Variants in RIMBP2 observed in about 807,000 individuals in gnomAD.
RIMBP2 encodes RIMS binding protein 2.
In RIMBP2, 48 loss-of-function variants were observed where a neutral mutation model predicts 118.6. That is an observed-to-expected ratio of 0.40 (90% CI 0.32 to 0.51). The LOEUF (loss-of-function observed/expected upper bound fraction) is 0.51. Among genes scored for constraint, RIMBP2 ranks in the 20% least tolerant of loss-of-function variants. The pLI, the probability that RIMBP2 is intolerant of heterozygous loss-of-function variation, is 0.41. For missense variants in RIMBP2, 1,551 were observed against 1,768.3 expected (o/e 0.88, Z 2.20); for synonymous variants, 762 against 742.9 (o/e 1.03, Z -0.42).
intron 2 of RIMBP2, among the ~76,000 whole-genome samples, chr12:130,608,534 G>A (rs2060320975): frequency 6.6e-6 from 1 of 152,194 alleles, no homozygotes; most frequent in Non-Finnish European, 1.5e-5. Flanking sequence ...CAGAGATGAA[G>A]AGGCTTCCCC....
intron 7 of RIMBP2, among the ~76,000 whole-genome samples, chr12:130,455,820 A>G (rs1481676352): frequency 6.6e-6 from 1 of 151,900 alleles, no homozygotes; most frequent in Non-Finnish European, 1.5e-5. Flanking sequence ...AACCTGTCTA[A>G]CCTCTGCATC....
intron 2 of RIMBP2, among the ~76,000 whole-genome samples, chr12:130,585,991 G>A (rs1270942216): frequency 6.6e-6 from 1 of 152,218 alleles, no homozygotes; most frequent in Non-Finnish European, 1.5e-5. Flanking sequence ...TCCTATGACT[G>A]ATTTCTCTAA....
chr12:130,436,730 C>T (rs2077545094), intron 13 of RIMBP2, 112 bp downstream of exon 13: 1 of 883,022 alleles, frequency 1.1e-6, no homozygotes, highest in Non-Finnish European at 1.5e-6. Context: ...CGCGGCCCCC[C>T]TCCCTGCAAG....
At chr12:130,645,208 C>T (rs996485633) in intron 1 of RIMBP2, among the ~76,000 whole-genome samples, 1 of 152,094 alleles carries the variant, frequency 6.6e-6, no homozygotes, top group African/African-American at 2.4e-5. Flanking sequence ...AGTCTCCCGC[C>T]TCAGGTCCCC....
rs915147581 is a variant in RIMBP2, at chr12:130,648,743, G to A, written c.-351-20287C>T. Among the ~76,000 whole-genome samples, 2 of 141,352 alleles carry A rather than the reference G, an allele frequency of 1.4e-5. 1 individual carries two copies. The highest frequency in any genetic ancestry group is 3.2e-5 in the Non-Finnish European group (2 of 63,044). 92.7% of individuals were successfully genotyped at this position (141,352 alleles called of 152,430 possible). On this transcript the variant is annotated intron_variant, in intron 1 of 22. Coordinates refer to ENST00000690449, the MANE Select transcript of RIMBP2 (RefSeq NM_001393629.1). ...GCGATCTCGGCTCACCGCAACCTCC[G>A]CCTCCCGGGTTCAAGCGATTCTCGC...
chr12:130,563,864 G>A (rs2056999887), intron 2 of RIMBP2, among the ~76,000 whole-genome samples: 2 of 152,148 alleles, frequency 1.3e-5, no homozygotes. Flanking sequence ...CTAAAATCCT[G>A]CAGTGGTTTT....
chr12:130,703,668 G>A lies in RIMBP2; in HGVS notation c.-352+12554C>T, dbSNP rs1424380068. Among the ~76,000 whole-genome samples the A allele has an allele frequency of 4.6e-5, 7 of 152,316 alleles. No individual in the cohort carries two copies. The highest frequency in any genetic ancestry group is 4.1e-4 in the South Asian group (2 of 4,826). Reference sequence around the variant, plus strand: ...TGATTAGCGCTCTACATCACCCACCGCTCAGCCTCCCCTGGGGTCGGGTGG... The same window carrying A: ...TGATTAGCGCTCTACATCACCCACCACTCAGCCTCCCCTGGGGTCGGGTGG... On this transcript the variant is annotated intron_variant, in intron 1 of 22. Transcript: ENST00000690449. This position sits in a 1 kb window ranked among gnomAD's most constrained non-coding sequence, Gnocchi z 5.7.
intron 2 of RIMBP2, among the ~76,000 whole-genome samples, chr12:130,545,248 G>C (rs936385263): frequency 2.0e-5 from 3 of 152,188 alleles, no homozygotes; most frequent in Non-Finnish European, 4.4e-5. Context: ...GGAGATGTTA[G>C]AATCAGACGC....
chr12:130,441,686 C>A (rs1272385170), intron 11 of RIMBP2, among the ~76,000 whole-genome samples, 162 bp downstream of exon 11: 1 of 152,198 alleles, frequency 6.6e-6, no homozygotes, highest in Non-Finnish European at 1.5e-5. Flanking sequence ...TGTGCACACG[C>A]ACACACGTTC....
At chr12:130,562,097 AAAGTTT>A (rs1192210556) in intron 2 of RIMBP2, among the ~76,000 whole-genome samples, 6 of 152,200 alleles carry the variant, frequency 3.9e-5, no homozygotes, top group Non-Finnish European at 7.3e-5. Flanking sequence ...ATCAATTTTT[AAAGTTT>A]AAGTTTTAAA....
At chr12:130,649,782 C>T (rs886481524) in intron 1 of RIMBP2, among the ~76,000 whole-genome samples, 3 of 152,178 alleles carry the variant, frequency 2.0e-5, no homozygotes, top group Admixed American at 6.5e-5. Flanking sequence ...AAGACAGCAC[C>T]CGAACAGGGA....
chr12:130,402,065 A>G (rs1221744800), intron 21 of RIMBP2, among the ~76,000 whole-genome samples: 3 of 152,190 alleles, frequency 2.0e-5, no homozygotes, highest in Non-Finnish European at 2.9e-5. Context: ...GGCTGAACAC[A>G]CACAGCCCTA....
intron 2 of RIMBP2, among the ~76,000 whole-genome samples, chr12:130,603,873 T>C (rs1213937806): frequency 6.6e-6 from 1 of 152,244 alleles, no homozygotes. Flanking sequence ...AATAAGCAAC[T>C]ATGTCACTCG....
At chr12:130,486,763 C>T (rs2082525100) in intron 4 of RIMBP2, among the ~76,000 whole-genome samples, 1 of 152,078 alleles carries the variant, frequency 6.6e-6, no homozygotes, top group Non-Finnish European at 1.5e-5. Flanking sequence ...CTCCCCCCAC[C>T]CATGTCTGCC....
intron 1 of RIMBP2, among the ~76,000 whole-genome samples, chr12:130,682,553 T>C (rs929517201): frequency 1.8e-4 from 27 of 152,388 alleles, no homozygotes; most frequent in African/African-American, 6.5e-4. Flanking sequence ...ATAAAAGTTG[T>C]CACTGCTGAA....
intron 4 of RIMBP2, among the ~76,000 whole-genome samples, chr12:130,494,781 C>T (rs1223178528): frequency 6.6e-6 from 1 of 152,232 alleles, no homozygotes; most frequent in Non-Finnish European, 1.5e-5. Context: ...AGCACTTGGC[C>T]TTATGTGGGA....
intron 2 of RIMBP2, among the ~76,000 whole-genome samples, chr12:130,539,328 G>C (rs1426294765): frequency 1.3e-5 from 2 of 152,170 alleles, no homozygotes; most frequent in African/African-American, 2.4e-5. Flanking sequence ...TCAGTGAATG[G>C]GATGTAGGAA....
chr12:130,421,488 T>C (rs796203692), intron 17 of RIMBP2, among the ~76,000 whole-genome samples: 32 of 152,378 alleles, frequency 2.1e-4, no homozygotes, highest in African/African-American at 7.7e-4. Context: ...AGAATCTGTT[T>C]TGCTTTATGA....
chr12:130,581,091 G>A lies in RIMBP2; in HGVS notation c.-217+47231C>T, dbSNP rs1291622258. On this transcript the variant is annotated intron_variant, in intron 2 of 22. Transcript: ENST00000690449. This position sits in a 1 kb window ranked among gnomAD's most constrained non-coding sequence, Gnocchi z 4.4. ...CGCACCCTCATCCTGCCCTTCACCTGCTCATATTCATGGGCCAGGCACTGG... is the reference window on the plus strand; with the variant it reads ...CGCACCCTCATCCTGCCCTTCACCTACTCATATTCATGGGCCAGGCACTGG... 6.6e-6 allele frequency among the ~76,000 whole-genome samples: 1 copy of A among 152,176 alleles called. No homozygotes were observed. The highest frequency in any genetic ancestry group is 2.4e-5 in the African/African-American group (1 of 41,428).
Sources: gnomAD v4.1 joint callset for allele counts (sites outside exome capture counted in the v4.1 genomes callset) on GRCh38, gnomAD v4.1.1 for gene constraint, Gnocchi (gnomAD v3.1) non-coding constraint, MANE v1.5 for transcripts, NCBI Gene and HGNC (gene_info 2026-07-23, HGNC 2026-07-21) for gene names.